The following SYS1 variants were observed in gnomAD, a reference collection of about 807,000 sequenced individuals.
The protein encoded by SYS1 is SYS1 golgi trafficking protein.
Under a neutral mutation model 17.8 loss-of-function variants are expected in SYS1, and 8 were observed. That is an observed-to-expected ratio of 0.45 (90% CI 0.26 to 0.81). The LOEUF (loss-of-function observed/expected upper bound fraction) is 0.81, where lower values mean the gene tolerates loss of function less well. SYS1 is among the 40% of genes least tolerant of loss of function. The pLI is 0.16. For missense variants in SYS1, 161 were observed against 203.9 expected (o/e 0.79, Z 1.28); for synonymous variants, 95 against 90.9 (o/e 1.05, Z -0.26).
chr20:45,375,454 G>T, exon 4 of SYS1: 1 of 1,614,096 alleles, frequency 6.2e-7, no homozygotes, highest in East Asian at 2.2e-5. Flanking sequence ...AGGGTCCCCT[G>T]TGGACTCTAA....
rs1456550995 is a variant in SYS1 at position 45,368,229 on chromosome 20, G to C, written c.*1114G>C. 6 of 985,334 alleles carry C rather than the reference G, an allele frequency of 6.1e-6. No individual in the cohort carries two copies. In the African/African-American group the frequency reaches 8.7e-5, roughly 14 times the overall value. 61.0% of individuals were successfully genotyped at this position (985,334 alleles called of 1,614,324 possible). ...CACCTTCTCCCTTTCCTGGACCCCA[G>C]AGTCATTCCTCCATTTGGTTAAAAT... On this transcript the variant is annotated 3_prime_UTR_variant, in exon 4 of 4. Coordinates refer to ENST00000243918, the MANE Select transcript of SYS1 (RefSeq NM_033542.4).
chr20:45,363,871 C>T (rs532437073), intron 2 of SYS1, among the ~76,000 whole-genome samples, 178 bp downstream of exon 2: 67 of 152,308 alleles, frequency 4.4e-4, no homozygotes, highest in South Asian at 3.3e-3. Context: ...ACAGCAGAGG[C>T]TGATTAGTAC....
At chr20:45,374,199 C>A, downstream of SYS1, 1 of 672,666 alleles carries the variant, frequency 1.5e-6, no homozygotes, top group South Asian at 1.6e-5. Flanking sequence ...GTGGGACTTT[C>A]ATTCTCCCAC....
chr20:45,375,860 A>T, exon 4 of SYS1: 1 of 322,074 alleles, frequency 3.1e-6, no homozygotes. Context: ...GAGGGTGAAC[A>T]GTCCAGTAGT....
Position 45,367,152 on chromosome 20 carries a change from C to T in SYS1, c.*37C>T, listed in dbSNP as rs557871174. The T allele has an allele frequency of 2.5e-6, 4 of 1,610,482 alleles. No individual in the cohort carries two copies. The highest frequency in any genetic ancestry group is 1.3e-5 in the African/African-American group (1 of 74,978). ...TTGGACATCCTGCTGACACTTGGGC[C>T]CCTTAACACCTTGGGCTGCTCAGAC... On this transcript the variant is annotated 3_prime_UTR_variant, in exon 4 of 4. Coordinates refer to ENST00000243918, the MANE Select transcript of SYS1 (RefSeq NM_033542.4).
At chr20:45,373,038 T>C (rs1988603949), downstream of SYS1, 1 of 152,324 alleles carries the variant, frequency 6.6e-6, no homozygotes, top group African/African-American at 2.4e-5. Flanking sequence ...TGCCCCTCGA[T>C]GGCTCCACTG....
chr20:45,375,013 C>G, exon 4 of SYS1: 2 of 1,599,032 alleles, frequency 1.3e-6, no homozygotes, highest in Non-Finnish European at 1.7e-6. Context: ...TCTCACCTAG[C>G]CTGGCAGTGT....
exon 4 of SYS1, chr20:45,375,891 G>A: frequency 4.0e-6 from 1 of 250,556 alleles, no homozygotes; most frequent in Non-Finnish European, 7.7e-6. Context: ...TGTGCTCCAA[G>A]AACCTTAGGG....
chr20:45,370,331 A>G (rs1220998105), downstream of SYS1, among the ~76,000 whole-genome samples: 1 of 152,208 alleles, frequency 6.6e-6, no homozygotes, highest in African/African-American at 2.4e-5. Context: ...CTGAGTTGGC[A>G]TATCTCTTAA....
intron 2 of SYS1, 113 bp downstream of exon 2, chr20:45,363,806 G>C: frequency 8.4e-7 from 1 of 1,192,674 alleles, no homozygotes; most frequent in Non-Finnish European, 1.2e-6. Flanking sequence ...TTGTAGCCCT[G>C]GGAAAGGGAT....
exon 4 of SYS1, chr20:45,375,805 C>T: frequency 2.0e-6 from 1 of 493,112 alleles, no homozygotes; most frequent in Non-Finnish European, 3.6e-6. Context: ...TTGTCTACAT[C>T]ATCTGCCACT....
exon 4 of SYS1, chr20:45,375,763 T>A (rs1205624843): frequency 5.0e-6 from 3 of 597,018 alleles, no homozygotes; most frequent in African/African-American, 3.7e-5. Context: ...GTGAAAGCCA[T>A]GACTAGTAGT....
upstream of SYS1, chr20:45,363,017 T>C: frequency 2.5e-6 from 2 of 799,314 alleles, no homozygotes; most frequent in Non-Finnish European, 3.0e-6. Context: ...TCCGTTTGCC[T>C]TCACTCTTCC....
At chr20:45,373,723 A>T (rs1050874573), downstream of SYS1, 1 of 511,230 alleles carries the variant, frequency 2.0e-6, no homozygotes, top group Non-Finnish European at 3.3e-6. Context: ...GAGGTGGGGG[A>T]GGGGTGCTGC....
chr20:45,374,038 C>T (rs1386264349), downstream of SYS1: 14 of 1,609,988 alleles, frequency 8.7e-6, no homozygotes, highest in African/African-American at 2.7e-5. Flanking sequence ...CGGTGTTAGG[C>T]GCTAAGACTG....
exon 4 of SYS1, chr20:45,375,655 G>A: frequency 7.0e-7 from 1 of 1,430,718 alleles, no homozygotes; most frequent in Non-Finnish European, 9.3e-7. Context: ...AGAAAGGCTA[G>A]AGGGGCCTGC....
intron 3 of SYS1, among the ~76,000 whole-genome samples, 156 bp from the exon 4 acceptor site, chr20:45,366,719 G>T (rs558075849): frequency 3.9e-5 from 6 of 152,200 alleles, no homozygotes; most frequent in Non-Finnish European, 7.4e-5. Context: ...GACATTACCC[G>T]CCAGGTTCTT....
At position 45,368,616 on chromosome 20, in the gene SYS1, G is replaced by A; in HGVS notation, c.*1501G>A. The A allele has an allele frequency of 1.0e-6, 1 of 985,426 alleles. No homozygotes were observed. The highest frequency in any genetic ancestry group is 1.2e-6 in the Non-Finnish European group (1 of 829,954). The allele number at this position is 985,426 out of a possible 1,614,324, so 61.0% of individuals were successfully genotyped here. ...AGGATGAAGATTTAGGAATAAATAT[G>A]CCTGGGAAGAGACTGGGAAGGTTCT... is the stretch of plus-strand genomic sequence containing the variant. On this transcript the variant is annotated 3_prime_UTR_variant, in exon 4 of 4. Coordinates refer to ENST00000243918, the MANE Select transcript of SYS1 (RefSeq NM_033542.4).
At chr20:45,365,495 G>A in intron 2 of SYS1, 124 bp from the exon 3 acceptor site, 1 of 901,404 alleles carries the variant, frequency 1.1e-6, no homozygotes, top group South Asian at 1.3e-5. Flanking sequence ...CTGCCGTACA[G>A]ATGTAGGGAG....
Sources: gnomAD v4.1 joint callset for allele counts (sites outside exome capture counted in the v4.1 genomes callset) on GRCh38, gnomAD v4.1.1 for gene constraint, MANE v1.5 for transcripts, NCBI Gene and HGNC (gene_info 2026-07-23, HGNC 2026-07-21) for gene names.